Variants in CD69 observed in about 807,000 individuals in gnomAD.
The protein encoded by CD69 is early activation antigen CD69.
In CD69, 10 loss-of-function variants were observed where a neutral mutation model predicts 21.4. The ratio of observed to expected loss-of-function variants is 0.47; its 90% confidence interval spans 0.29 to 0.79. The LOEUF is 0.79. CD69 is among the 30% of genes least tolerant of loss of function. The pLI is 0.09. For missense variants in CD69, 204 were observed against 236.9 expected (o/e 0.86, Z 0.91); for synonymous variants, 63 against 78.2 (o/e 0.81, Z 1.03).
rs759851179 is a variant in CD69 at position 9,760,754 on chromosome 12, T to G, written c.64+3A>C. 1.2e-6 allele frequency: 2 copies of G among 1,610,096 alleles called. No individual in the cohort carries two copies. The highest frequency in any genetic ancestry group is 1.7e-6 in the Non-Finnish European group (2 of 1,177,188). Reference sequence around the variant, plus strand: ...AGTAAATAGGCAATCAGATCTGACTTACTTTCTTGTCCACTCTCCGGATGC... The same window carrying G: ...AGTAAATAGGCAATCAGATCTGACTGACTTTCTTGTCCACTCTCCGGATGC... On this transcript the variant is annotated splice_donor_region_variant and intron_variant, in intron 1 of 4. Coordinates refer to ENST00000228434, the MANE Select transcript of CD69 (RefSeq NM_001781.2).
At chr12:9,754,861 C>G (rs922555774) in intron 3 of CD69, 171 bp from the exon 4 acceptor site, 1 of 676,744 alleles carries the variant, frequency 1.5e-6, no homozygotes, top group Non-Finnish European at 2.5e-6. Flanking sequence ...GCTAAGCAAT[C>G]AAATCAAATT....
At position 9,753,117 on chromosome 12, in the gene CD69, C is replaced by T. The variant is rs1475842243; in HGVS notation, c.*364G>A. 1 of 155,398 alleles carries T rather than the reference C, an allele frequency of 6.4e-6. No individual in the cohort carries two copies. The highest frequency in any genetic ancestry group is 1.4e-5 in the Non-Finnish European group (1 of 69,954). 9.6% of individuals were successfully genotyped at this position (155,398 alleles called of 1,614,324 possible). On this transcript the variant is annotated 3_prime_UTR_variant, in exon 5 of 5. Transcript: ENST00000228434. ...CAATAGTGCAAATGCATGAAGGGCT[C>T]TCACTGTTGGTAGTCATTCAGCAAT...
At chr12:9,759,055 A>C (rs764272774) in intron 1 of CD69, among the ~76,000 whole-genome samples, 1 of 151,796 alleles carries the variant, frequency 6.6e-6, no homozygotes, top group African/African-American at 2.4e-5. Context: ...TCAGCCTCCT[A>C]AGTAGCTGGG....
chr12:9,760,760 C>T lies in CD69; in HGVS notation c.61G>A (p.Glu21Lys), dbSNP rs1866727098. 1 of 1,611,886 alleles carries T rather than the reference C, an allele frequency of 6.2e-7. No individual in the cohort carries two copies. The highest frequency in any genetic ancestry group is 1.3e-5 in the African/African-American group (1 of 75,036). The stretch of plus-strand genomic sequence containing the variant: ...TAGGCAATCAGATCTGACTTACTTT[C>T]TTGTCCACTCTCCGGATGCAAAGAG... ...NSSLHPESGQENDATSPHFST... is the reference protein window; with the variant it reads ...NSSLHPESGQKNDATSPHFST... The change falls in exon 1 of 5, where the codon GAA becomes AAA. Residue 21 changes from glutamate to lysine, a missense_variant. Physicochemically the swap from Glu to Lys is moderately conservative, Grantham distance 56 (BLOSUM62 1). Coordinates refer to ENST00000228434, the MANE Select transcript of CD69 (RefSeq NM_001781.2).
chr12:9,757,393 C>G (rs964814021), intron 1 of CD69, among the ~76,000 whole-genome samples: 6 of 152,136 alleles, frequency 3.9e-5, no homozygotes, highest in Admixed American at 6.5e-5. Flanking sequence ...TATGGCCCAA[C>G]AAACCTACTC....
At chr12:9,758,996 C>T (rs1866705945) in intron 1 of CD69, among the ~76,000 whole-genome samples, 6 of 151,960 alleles carry the variant, frequency 3.9e-5, no homozygotes, top group Admixed American at 3.9e-4. Flanking sequence ...GTTGCGTGAT[C>T]TCGGCTCACT....
At position 9,752,977 on chromosome 12, in the gene CD69, G is replaced by T. The variant is rs1218745855; in HGVS notation, c.*504C>A. ...ACAAATCTTAGTTTCATAAGCATTTGTCCATTTATAAATGCTCCCTGAGTT... is the reference window on the plus strand; with the variant it reads ...ACAAATCTTAGTTTCATAAGCATTTTTCCATTTATAAATGCTCCCTGAGTT... On this transcript the variant is annotated 3_prime_UTR_variant, in exon 5 of 5. Coordinates refer to ENST00000228434, the MANE Select transcript of CD69 (RefSeq NM_001781.2). 6.6e-6 allele frequency: 1 copy of T among 152,490 alleles called. No homozygotes were observed. The highest frequency in any genetic ancestry group is 1.5e-5 in the Non-Finnish European group (1 of 68,000). The allele number at this position is 152,490 out of a possible 1,614,324, so 9.4% of individuals were successfully genotyped here. A position where few individuals can be genotyped will look rare whatever the true frequency, so the allele number is the denominator to read the frequency against.
At position 9,760,880 on chromosome 12, in the gene CD69, T is replaced by C; in HGVS notation, c.-60A>G. 7.2e-7 allele frequency: 1 copy of C among 1,381,690 alleles called. No homozygotes were observed. The highest frequency in any genetic ancestry group is 1.2e-5 in the South Asian group (1 of 86,582). The allele number at this position is 1,381,690 out of a possible 1,614,324, so 85.6% of individuals were successfully genotyped here. A position where few individuals can be genotyped will look rare whatever the true frequency, so the allele number is the denominator to read the frequency against. On this transcript the variant is annotated 5_prime_UTR_variant, in exon 1 of 5. Transcript: ENST00000228434. The stretch of plus-strand genomic sequence containing the variant: ...CAAGTCAAGCTACAGTGAAAGTCTT[T>C]GCTGGAGCTCTTGTTGAGTCTGTGA...
intron 1 of CD69, among the ~76,000 whole-genome samples, chr12:9,758,998 C>T (rs967860021): frequency 6.6e-6 from 1 of 151,702 alleles, no homozygotes; most frequent in South Asian, 2.1e-4. Flanking sequence ...TGCGTGATCT[C>T]GGCTCACTGC....
rs1004860841 is a variant in CD69 at position 9,754,623 on chromosome 12, G to A, written c.455C>T (p.Pro152Leu). Reference protein sequence around the residue: ...WVGLKKEPGHPWKWSNGKEFN... With the variant: ...WVGLKKEPGHLWKWSNGKEFN... Reference sequence around the variant, plus strand: ...TTCTTTGCCATTTGACCACTTCCATGGGTGACCAGGTTCCTTTTTCAGTCC... The same window carrying A: ...TTCTTTGCCATTTGACCACTTCCATAGGTGACCAGGTTCCTTTTTCAGTCC... The change falls in exon 4 of 5, where the codon CCA becomes CTA. Residue 152 changes from proline (P) to leucine (L), a missense_variant. By Grantham distance (98) the Pro-to-Leu change is moderately conservative. Transcript: ENST00000228434. 1.4e-5 allele frequency: 22 copies of A among 1,611,856 alleles called. No homozygotes were observed. The African/African-American group carries it at 2.7e-4, about 20-fold the overall frequency.
chr12:9,757,945 T>C (rs767273705), intron 1 of CD69, among the ~76,000 whole-genome samples: 2 of 152,298 alleles, frequency 1.3e-5, no homozygotes, highest in African/African-American at 4.8e-5. Flanking sequence ...ACAGTAAAAA[T>C]TTGAATTTTT....
At chr12:9,760,121 CTT>C (rs138278083) in intron 1 of CD69, among the ~76,000 whole-genome samples, 1 of 148,208 alleles carries the variant, frequency 6.7e-6, no homozygotes, top group African/African-American at 2.5e-5. Flanking sequence ...TCTTTTGTGA[CTT>C]TTTTTTTTAG....
rs200653564 is a variant in CD69 at position 9,759,483 on chromosome 12, A to T, written c.64+1274T>A. On this transcript the variant is annotated intron_variant, in intron 1 of 4. Transcript: ENST00000228434. The stretch of plus-strand genomic sequence containing the variant: ...CACCTATGCTCTCTATTTATTGAGT[A>T]GTTATTATTATTATTATTATTATTA... Among the ~76,000 whole-genome samples, 5 of 119,508 alleles carry T rather than the reference A, an allele frequency of 4.2e-5. No individual in the cohort carries two copies. In the East Asian group the frequency reaches 1.1e-3, roughly 27 times the overall value. The allele number at this position is 119,508 out of a possible 152,430, so 78.4% of individuals were successfully genotyped here. A position where few individuals can be genotyped will look rare whatever the true frequency, so the allele number is the denominator to read the frequency against.
At position 9,758,062 on chromosome 12, in the gene CD69, C is replaced by CTTT. The variant is rs58176994; in HGVS notation, c.65-1646_65-1644dup. Among the ~76,000 whole-genome samples, 303 of 149,530 alleles carry CTTT rather than the reference C, an allele frequency of 2.0e-3. 1 individual carries two copies. Among genetic ancestry groups the CTTT allele is most frequent in the Admixed American group, 4.6e-3 (70 of 15,078 alleles). On this transcript the variant is annotated intron_variant, in intron 1 of 4. Coordinates refer to ENST00000228434, the MANE Select transcript of CD69 (RefSeq NM_001781.2). ...TACAATGGTGAAACAAAGTAAAAGC[C>CTTT]TTTTTTTTTCCCAACAAGCAGTGTT...
rs145286917 is a variant in CD69 at position 9,756,359 on chromosome 12, A to T, written c.125T>A (p.Leu42Gln). 43 of 1,613,728 alleles carry T rather than the reference A, an allele frequency of 2.7e-5. No individual in the cohort carries two copies. The African/African-American group carries it at 4.8e-4, about 18-fold the overall frequency. The change falls in exon 2 of 5, where the codon CTG (leucine) becomes CAG (glutamine). Residue 42 changes from leucine (L) to glutamine (Q), a missense_variant. Coordinates refer to ENST00000228434, the MANE Select transcript of CD69 (RefSeq NM_001781.2). ...RHEGSFQVPV[L>Q]CAVMNVVFIT... ...GAAGACCACATTCATTACAGCACAC[A>T]GGACAGGAACTTGGAAGGACCCTTC... is the stretch of plus-strand genomic sequence containing the variant.
rs1866641879 is a variant in CD69 at position 9,752,952 on chromosome 12, A to T, written c.*529T>A. On this transcript the variant is annotated 3_prime_UTR_variant, in exon 5 of 5. Transcript: ENST00000228434. ...ATTTCTCTAAAAAGAGAGAAATATTACAAATCTTAGTTTCATAAGCATTTG... is the reference window on the plus strand; with the variant it reads ...ATTTCTCTAAAAAGAGAGAAATATTTCAAATCTTAGTTTCATAAGCATTTG... 1 of 152,618 alleles carries T rather than the reference A, an allele frequency of 6.6e-6. No individual in the cohort carries two copies. The highest frequency in any genetic ancestry group is 1.5e-5 in the Non-Finnish European group (1 of 68,038). 9.5% of individuals were successfully genotyped at this position (152,618 alleles called of 1,614,324 possible).
Position 9,755,094 on chromosome 12 carries a change from T to A in CD69, c.355A>T (p.Thr119Ser), listed in dbSNP as rs771515061. 1.9e-6 allele frequency: 3 copies of A among 1,613,858 alleles called. No homozygotes were observed. The highest frequency in any genetic ancestry group is 1.6e-4 in the Middle Eastern group (1 of 6,084). ...TTTTCAGAATCAATGACAGCAAGAGTAGCACCATGTTCAGAACAAGCATTT... is the reference window on the plus strand; with the variant it reads ...TTTTCAGAATCAATGACAGCAAGAGAAGCACCATGTTCAGAACAAGCATTT... ...AQNACSEHGA[T>S]LAVIDSEKDM... The change falls in exon 3 of 5, where the codon ACT (threonine) becomes TCT (serine). Residue 119 changes from threonine to serine, a missense_variant. Coordinates refer to ENST00000228434, the MANE Select transcript of CD69 (RefSeq NM_001781.2).
Position 9,753,520 on chromosome 12 carries a change from C to A in CD69, c.561G>T (p.Glu187Asp). Residue 187 changes from glutamate (E) to aspartate (D), a missense_variant, in exon 5 of 5, where the codon GAG becomes GAT. Physicochemically the swap from Glu to Asp is conservative, Grantham distance 45. Coordinates refer to ENST00000228434, the MANE Select transcript of CD69 (RefSeq NM_001781.2). ...TGTTACATATCCAGTATAAATTCTT[C>A]TCACATTCCATGCTGCTGACCTCTG... ...KNTEVSSMEC[E>D]KNLYWICNKP... is the part of the protein sequence containing the mutation. 6.4e-7 allele frequency: 1 copy of A among 1,573,572 alleles called. No individual in the cohort carries two copies.
intron 1 of CD69, among the ~76,000 whole-genome samples, chr12:9,759,240 C>T (rs1228197643): frequency 1.3e-5 from 2 of 152,228 alleles, no homozygotes; most frequent in South Asian, 4.1e-4. Context: ...CTTGACTTAT[C>T]TCCTAGGTGA....
Sources: allele counts gnomAD v4.1 joint callset (sites outside exome capture counted in the v4.1 genomes callset), GRCh38; gene constraint gnomAD v4.1.1; transcripts MANE v1.5; gene names NCBI Gene and HGNC (gene_info 2026-07-23, HGNC 2026-07-21).